The following SCARA3 variants were observed in gnomAD, a reference collection of about 807,000 sequenced individuals.
SCARA3 encodes cellular stress response gene protein.
Under a neutral mutation model 47.0 loss-of-function variants are expected in SCARA3, and 39 were observed. The observed-to-expected ratio is 0.83, with a 90% CI of 0.64 to 1.08. The LOEUF is 1.08. Ranked by LOEUF, SCARA3 falls within the 50% of genes least tolerant of loss-of-function variation. The probability of loss-of-function intolerance (pLI) is 0.00; values close to 1 mark genes in which losing one functional copy is unlikely to be tolerated. For synonymous variants in SCARA3, 356 were observed against 334.1 expected (o/e 1.07, Z -0.71); for missense variants, 724 against 792.3 (o/e 0.91, Z 1.04).
At chr8:27,716,204 T>G in the SCARA3 span, among the ~76,000 whole-genome samples, 1 of 152,114 alleles carries the variant, frequency 6.6e-6, no homozygotes. Flanking sequence ...TCCCAGCTAC[T>G]TGGGAGGCTG....
At chr8:27,697,135 G>A in the SCARA3 span, 1 of 179,128 alleles carries the variant, frequency 5.6e-6, no homozygotes, top group Non-Finnish European at 1.2e-5. Flanking sequence ...GACACTCAGT[G>A]TCTGTAAAAG....
intron 1 of SCARA3, among the ~76,000 whole-genome samples, chr8:27,644,227 C>T (rs1801444643): frequency 6.6e-6 from 1 of 152,218 alleles, no homozygotes; most frequent in South Asian, 2.1e-4. Context: ...TTGGCCTTGG[C>T]CTTGGCCTTC....
chr8:27,652,854 C>T (rs1451268752), intron 3 of SCARA3, among the ~76,000 whole-genome samples: 1 of 152,200 alleles, frequency 6.6e-6, no homozygotes, highest in Non-Finnish European at 1.5e-5. Context: ...CCACTCACTC[C>T]AGATGAATTA....
At chr8:27,651,487 T>C (rs765884752) in intron 2 of SCARA3, 21 bp from the exon 3 acceptor site, 7 of 1,608,604 alleles carry the variant, frequency 4.4e-6, no homozygotes, top group African/African-American at 1.3e-5. Context: ...TAAGCCATTG[T>C]CCTCCTTGTG....
At chr8:27,687,577 CA>C in the SCARA3 span, among the ~76,000 whole-genome samples, 1 of 152,112 alleles carries the variant, frequency 6.6e-6, no homozygotes, top group Non-Finnish European at 1.5e-5. Context: ...AAGAACAAGA[CA>C]AAAGTCTGCC....
downstream of SCARA3, among the ~76,000 whole-genome samples, chr8:27,678,065 A>G (rs1802304987): frequency 6.6e-6 from 1 of 152,246 alleles, no homozygotes; most frequent in African/African-American, 2.4e-5. Context: ...AGGGAAAATT[A>G]TAACATTAAA....
At chr8:27,663,867 G>A (rs1411720052) in intron 5 of SCARA3, among the ~76,000 whole-genome samples, 1 of 152,214 alleles carries the variant, frequency 6.6e-6, no homozygotes, top group Non-Finnish European at 1.5e-5. Flanking sequence ...GCCTTCCCCT[G>A]TTCTGGGCCC....
intron 1 of SCARA3, among the ~76,000 whole-genome samples, chr8:27,646,750 C>G (rs1423894268): frequency 4.6e-5 from 7 of 152,246 alleles, no homozygotes; most frequent in African/African-American, 1.7e-4. Flanking sequence ...CAAGGAATTC[C>G]CCTGCCTTGC....
At chr8:27,730,734 T>C in the SCARA3 span, among the ~76,000 whole-genome samples, 4 of 151,620 alleles carry the variant, frequency 2.6e-5, no homozygotes, top group African/African-American at 9.7e-5. Context: ...AAGCAATCTG[T>C]CCCTCTTGGC....
the SCARA3 span, among the ~76,000 whole-genome samples, chr8:27,732,964 G>A: frequency 3.3e-5 from 5 of 152,108 alleles, no homozygotes; most frequent in African/African-American, 4.8e-5. Context: ...CCATGAAACC[G>A]CCCAGGAAGT....
chr8:27,670,902 G>C lies in SCARA3; in HGVS notation c.1372G>C (p.Ala458Pro), dbSNP rs760186096. 6.6e-7 allele frequency: 1 copy of C among 1,520,510 alleles called. No homozygotes were observed. 94.2% of individuals were successfully genotyped at this position (1,520,510 alleles called of 1,614,324 possible). ...TCCCATCTTCTCTCCAACCTCAGGT[G>C]CCCCCGGCCCTCCAGGACCAAGAGG... ...ILRNVTILRG[A>P]PGPPGPRGFK... The change falls in exon 6 of 6, where the codon GCC becomes CCC. Residue 458 changes from alanine to proline, a missense_variant and splice_region_variant. Ala to Pro is a conservative substitution (Grantham distance 27). Coordinates refer to ENST00000301904, the MANE Select transcript of SCARA3 (RefSeq NM_016240.3).
downstream of SCARA3, among the ~76,000 whole-genome samples, chr8:27,673,534 G>T (rs547681034): frequency 4.3e-4 from 66 of 152,274 alleles, no homozygotes; most frequent in East Asian, 2.7e-3. Flanking sequence ...TGTTTTTTGG[G>T]TTTTTTTGGA....
chr8:27,694,266 T>C, the SCARA3 span, among the ~76,000 whole-genome samples: 1 of 152,146 alleles, frequency 6.6e-6, no homozygotes, highest in Admixed American at 6.5e-5. Flanking sequence ...AAGAGTATAT[T>C]TTATGCCTGG....
chr8:27,684,706 T>G, the SCARA3 span, among the ~76,000 whole-genome samples: 1 of 145,900 alleles, frequency 6.9e-6, no homozygotes, highest in East Asian at 2.0e-4. Context: ...AAAGCTAAAA[T>G]AAATGAATTA....
downstream of SCARA3, among the ~76,000 whole-genome samples, chr8:27,680,599 C>T (rs1046710574): frequency 1.3e-5 from 2 of 152,094 alleles, no homozygotes; most frequent in African/African-American, 4.8e-5. Flanking sequence ...GGTTTTATTA[C>T]TGATTTATTT....
chr8:27,674,699 C>T (rs1802236059), downstream of SCARA3, among the ~76,000 whole-genome samples: 1 of 150,444 alleles, frequency 6.6e-6, no homozygotes, highest in African/African-American at 2.4e-5. Flanking sequence ...CCTGAAGTCA[C>T]TCCTGGGCCT....
At chr8:27,680,551 T>A (rs989300245), downstream of SCARA3, among the ~76,000 whole-genome samples, 2 of 152,158 alleles carry the variant, frequency 1.3e-5, no homozygotes, top group African/African-American at 4.8e-5. Flanking sequence ...GAATTCATAG[T>A]TTAAAATTTT....
the SCARA3 span, among the ~76,000 whole-genome samples, chr8:27,730,120 G>A: frequency 6.6e-6 from 1 of 152,158 alleles, no homozygotes; most frequent in African/African-American, 2.4e-5. Flanking sequence ...CTCAAGCACA[G>A]GGATGAAAGC....
chr8:27,680,888 A>T (rs1319353827), downstream of SCARA3, among the ~76,000 whole-genome samples: 1 of 152,198 alleles, frequency 6.6e-6, no homozygotes, highest in African/African-American at 2.4e-5. Context: ...AGAGTTAAGG[A>T]GAAAAATAAT....
Sources: allele counts gnomAD v4.1 joint callset (sites outside exome capture counted in the v4.1 genomes callset), GRCh38; gene constraint gnomAD v4.1.1; transcripts MANE v1.5; gene names NCBI Gene and HGNC (gene_info 2026-07-23, HGNC 2026-07-21).